Variants in COL4A5 observed in about 807,000 individuals in gnomAD.
COL4A5 encodes collagen alpha-5(IV) chain.
A neutral mutation model predicts 130.2 loss-of-function variants in COL4A5; 26 were observed. That is an observed-to-expected ratio of 0.20 (90% confidence interval 0.15 to 0.28). The LOEUF (loss-of-function observed/expected upper bound fraction) is 0.28, where lower values mean the gene tolerates loss of function less well. Among genes scored for constraint, COL4A5 ranks in the 10% least tolerant of loss-of-function variants. The probability of loss-of-function intolerance (pLI) is 1.00; values close to 1 mark genes in which losing one functional copy is unlikely to be tolerated. For missense variants in COL4A5, 1,131 were observed against 1,344.3 expected (o/e 0.84, Z 2.48); for synonymous variants, 496 against 439.6 (o/e 1.13, Z -1.60).
intron 1 of COL4A5, among the ~76,000 whole-genome samples, chrX:108,522,377 G>T (rs2065272585): frequency 9.5e-6 from 1 of 105,748 alleles, no homozygotes; most frequent in African/African-American, 3.5e-5. Context: ...TTATAAAGTG[G>T]TTACTCCATT....
chrX:108,581,113 A>G (rs1464581613), intron 16 of COL4A5, 86 bp downstream of exon 16: 18 of 775,396 alleles, frequency 2.3e-5, no homozygotes, highest in Non-Finnish European at 3.4e-5. Context: ...GCAGTATGAC[A>G]AAAATTGTGG....
chrX:108,667,110 T>G, intron 39 of COL4A5, 23 bp from the exon 40 acceptor site: 1 of 1,208,047 alleles, frequency 8.3e-7, no homozygotes, highest in Non-Finnish European at 1.1e-6. Context: ...GTTTTTGTTT[T>G]GTTTTGTTTT....
chrX:108,574,729 T>A (rs989368409), intron 9 of COL4A5, among the ~76,000 whole-genome samples: 4 of 112,264 alleles, frequency 3.6e-5, no homozygotes, highest in Non-Finnish European at 7.5e-5. Context: ...CACTTTCATA[T>A]AACTTTCCAT....
chrX:108,665,308 A>G (rs1168640190), intron 37 of COL4A5, among the ~76,000 whole-genome samples, 199 bp from the exon 38 acceptor site: 1 of 112,205 alleles, frequency 8.9e-6, no homozygotes, highest in Non-Finnish European at 1.9e-5. Flanking sequence ...GTTTATGAAT[A>G]TATAATAATG....
chrX:108,591,324 C>T, intron 20 of COL4A5, 93 bp downstream of exon 20: 5 of 895,416 alleles, frequency 5.6e-6, no homozygotes, highest in South Asian at 2.3e-5. Flanking sequence ...TCATTTGTTG[C>T]GTTTCTGATA....
At position 108,600,824 on chromosome X, in the gene COL4A5, C is replaced by G. The variant is rs761791095; in HGVS notation, c.1949-569C>G. Among the ~76,000 whole-genome samples, 4 of 111,567 alleles carry G rather than the reference C, an allele frequency of 3.6e-5. No individual in the cohort carries two copies. The East Asian group carries it at 1.1e-3, about 32-fold the overall frequency. On this transcript the variant is annotated intron_variant, in intron 25 of 52. Transcript: ENST00000328300. ...AGTCCTAGTCTGAATGCCTGAGAACCTGAGTGGCTGCTTAGTACAAGTCCC... is the reference window on the plus strand; with the variant it reads ...AGTCCTAGTCTGAATGCCTGAGAACGTGAGTGGCTGCTTAGTACAAGTCCC...
intron 36 of COL4A5, among the ~76,000 whole-genome samples, chrX:108,645,438 C>T (rs1332381590): frequency 1.8e-5 from 2 of 109,765 alleles, no homozygotes; most frequent in African/African-American, 6.6e-5. Context: ...CTACTATGAA[C>T]ACCTTTATGT....
intron 2 of COL4A5, among the ~76,000 whole-genome samples, chrX:108,542,015 T>A (rs901546157): frequency 1.2e-4 from 14 of 112,110 alleles, no homozygotes; most frequent in Non-Finnish European, 7.5e-5. Flanking sequence ...TTGTAGACTA[T>A]GATTTAAAGC....
At chrX:108,509,635 T>G (rs1470710986) in intron 1 of COL4A5, among the ~76,000 whole-genome samples, 3 of 111,742 alleles carry the variant, frequency 2.7e-5, no homozygotes, top group Non-Finnish European at 3.8e-5. Context: ...AGAATGGCTG[T>G]TTTTTAAAAG....
intron 1 of COL4A5, among the ~76,000 whole-genome samples, chrX:108,460,055 G>T: frequency 8.9e-6 from 1 of 111,735 alleles, no homozygotes; most frequent in Non-Finnish European, 1.9e-5. Context: ...GTAGGATGTT[G>T]TTTGAGCAAT....
In COL4A5 at chrX:108,695,149, T is replaced by C; in HGVS notation, c.4822-118T>C. On this transcript the variant is annotated intron_variant, in intron 51 of 52. Coordinates refer to ENST00000328300, the MANE Select transcript of COL4A5 (RefSeq NM_033380.3). ...TTGGTGTGGATACTATTGTCTTACCTCTGGGCCTGTTCCTTCACTAGATTT... is the reference window on the plus strand; with the variant it reads ...TTGGTGTGGATACTATTGTCTTACCCCTGGGCCTGTTCCTTCACTAGATTT... 3 of 935,586 alleles carry C rather than the reference T, an allele frequency of 3.2e-6. No individual in the cohort carries two copies. In the South Asian group the frequency reaches 5.9e-5, roughly 18 times the overall value. The allele number at this position is 935,586 out of a possible 1,213,427, so 77.1% of individuals were successfully genotyped here. A position where few individuals can be genotyped will look rare whatever the true frequency, so the allele number is the denominator to read the frequency against.
At position 108,466,745 on chromosome X, in the gene COL4A5, A is replaced by C. The variant is rs375874208; in HGVS notation, c.81+26539A>C. Among the ~76,000 whole-genome samples the C allele has an allele frequency of 1.9e-3, 208 of 108,648 alleles. 4 individuals carry two copies. In the South Asian group the frequency reaches 0.076, roughly 40 times the overall value. 94.3% of individuals were successfully genotyped at this position (108,648 alleles called of 115,157 possible). On this transcript the variant is annotated intron_variant, in intron 1 of 52. Transcript: ENST00000328300. ...CTCCTGAGTAGCTGGGCCTGCAGGCAGGTGGCACCACATGGCCAAGGTGGC... is the reference window on the plus strand; with the variant it reads ...CTCCTGAGTAGCTGGGCCTGCAGGCCGGTGGCACCACATGGCCAAGGTGGC...
intron 44 of COL4A5, among the ~76,000 whole-genome samples, chrX:108,679,670 G>A (rs1377065720): frequency 3.6e-5 from 4 of 111,054 alleles, no homozygotes; most frequent in Non-Finnish European, 5.7e-5. Flanking sequence ...TGCACTTGAA[G>A]TAGAGCAATA....
At chrX:108,690,618 T>C (rs978842747) in intron 49 of COL4A5, among the ~76,000 whole-genome samples, 5 of 111,734 alleles carry the variant, frequency 4.5e-5, no homozygotes, top group African/African-American at 1.3e-4. Context: ...CTTTAGCAGA[T>C]GTGCTTTGGG....
chrX:108,510,496 G>T (rs1031905772), intron 1 of COL4A5, among the ~76,000 whole-genome samples: 9 of 109,571 alleles, frequency 8.2e-5, no homozygotes, highest in African/African-American at 3.0e-4. Context: ...TTTAAGGCCA[G>T]AAGGGATGAC....
chrX:108,449,703 C>T (rs926052847), intron 1 of COL4A5, among the ~76,000 whole-genome samples: 2 of 111,159 alleles, frequency 1.8e-5, no homozygotes, highest in African/African-American at 6.6e-5. Flanking sequence ...CTTTCTGGTT[C>T]ACAGATGTTA....
At chrX:108,506,974 C>A (rs2065130324) in intron 1 of COL4A5, among the ~76,000 whole-genome samples, 1 of 110,356 alleles carries the variant, frequency 9.1e-6, no homozygotes, top group Non-Finnish European at 1.9e-5. Context: ...TTCACATACA[C>A]CCTCCCAAGA....
intron 2 of COL4A5, among the ~76,000 whole-genome samples, chrX:108,547,531 G>T (rs569146405): frequency 8.9e-6 from 1 of 111,894 alleles, no homozygotes; most frequent in Non-Finnish European, 1.9e-5. Context: ...TGGGGGTTGC[G>T]TCCCAGTTAG....
intron 29 of COL4A5, among the ~76,000 whole-genome samples, chrX:108,610,887 A>C (rs2147841813): frequency 8.9e-6 from 1 of 111,937 alleles, no homozygotes; most frequent in South Asian, 3.7e-4. Flanking sequence ...CTGAATCAGT[A>C]GAAGCTCAAA....
Sources: allele counts gnomAD v4.1 joint callset (sites outside exome capture counted in the v4.1 genomes callset), GRCh38; gene constraint gnomAD v4.1.1; transcripts MANE v1.5; gene names NCBI Gene and HGNC (gene_info 2026-07-23, HGNC 2026-07-21).